Variants in GDA observed in about 807,000 individuals in gnomAD.
GDA encodes the protein guanine deaminase.
A neutral mutation model predicts 59.6 loss-of-function variants in GDA; 18 were observed. The ratio of observed to expected loss-of-function variants is 0.30; its 90% CI spans 0.21 to 0.45. GDA has a LOEUF of 0.45. Ranked by LOEUF, GDA falls within the 20% of genes least tolerant of loss-of-function variation. The pLI, the probability that GDA is intolerant of heterozygous loss-of-function variation, is 1.00. For missense variants in GDA, 427 were observed against 552.3 expected, an observed-to-expected ratio of 0.77 and a Z score of 2.27; for synonymous variants, 201 against 201.1, an observed-to-expected ratio of 1.00 and a Z score of 0.00.
chr9:72,176,388 T>A (rs1021434513), intron 1 of GDA, among the ~76,000 whole-genome samples: 6 of 152,236 alleles, frequency 3.9e-5, no homozygotes, highest in Non-Finnish European at 8.8e-5. Flanking sequence ...CAAGTCACTA[T>A]GTTTGGCCCA....
chr9:72,149,477 C>T lies in GDA; in HGVS notation c.-83C>T. ...GAGCCTGTGTCCGCCCGGCAGCCGCCCGCAGCTGCAGAGAGTCCCGCTGCG... is the reference window on the plus strand; with the variant it reads ...GAGCCTGTGTCCGCCCGGCAGCCGCTCGCAGCTGCAGAGAGTCCCGCTGCG... On this transcript the variant is annotated 5_prime_UTR_variant, in exon 1 of 14. Transcript: ENST00000358399. 6.6e-7 allele frequency: 1 copy of T among 1,515,168 alleles called. No homozygotes were observed. The highest frequency in any genetic ancestry group is 8.9e-7 in the Non-Finnish European group (1 of 1,121,776). 93.9% of individuals were successfully genotyped at this position (1,515,168 alleles called of 1,614,324 possible).
chr9:72,161,385 C>T (rs1828615819), intron 1 of GDA, among the ~76,000 whole-genome samples: 1 of 152,082 alleles, frequency 6.6e-6, no homozygotes, highest in African/African-American at 2.4e-5. Context: ...ATTTTTTTCA[C>T]CACAGGATAA....
intron 1 of GDA, among the ~76,000 whole-genome samples, chr9:72,132,193 T>C (rs1826048730): frequency 6.6e-6 from 1 of 152,162 alleles, no homozygotes; most frequent in Admixed American, 6.5e-5. Flanking sequence ...CCAAACCATG[T>C]CTCACCCTTC....
intron 10 of GDA, among the ~76,000 whole-genome samples, chr9:72,240,116 A>T (rs1185068773): frequency 6.6e-6 from 1 of 152,160 alleles, no homozygotes; most frequent in Non-Finnish European, 1.5e-5. Context: ...GTAGTATTTC[A>T]TTTGATTATG....
intron 1 of GDA, among the ~76,000 whole-genome samples, chr9:72,135,791 A>G (rs1165639227): frequency 2.0e-5 from 3 of 151,920 alleles, no homozygotes; most frequent in Non-Finnish European, 4.4e-5. Context: ...TCGTGTCTTC[A>G]GTGGAGACGG....
chr9:72,226,255 A>T (rs1837572252), intron 8 of GDA, among the ~76,000 whole-genome samples: 2 of 152,190 alleles, frequency 1.3e-5, no homozygotes, highest in Admixed American at 1.3e-4. Context: ...TCGGTGAGGG[A>T]TTAAATTACA....
At chr9:72,144,277 A>G (rs1482010104) in intron 1 of GDA, among the ~76,000 whole-genome samples, 2 of 152,200 alleles carry the variant, frequency 1.3e-5, no homozygotes, top group Non-Finnish European at 2.9e-5. Context: ...ATCAAATAGC[A>G]TACTAGAGCA....
chr9:72,209,173 G>T (rs1029250559), intron 3 of GDA, among the ~76,000 whole-genome samples: 1 of 151,010 alleles, frequency 6.6e-6, no homozygotes, highest in Non-Finnish European at 1.5e-5. Context: ...CCTTACTTTG[G>T]GTTCTCTTTT....
rs1840657642 is a variant in GDA at position 72,251,323 on chromosome 9, C to T, written c.*2981C>T. 6.4e-6 allele frequency: 1 copy of T among 157,390 alleles called. No homozygotes were observed. Among genetic ancestry groups the T allele is most frequent in the African/African-American group, 2.4e-5 (1 of 41,462 alleles). The allele number at this position is 157,390 out of a possible 1,614,324, so 9.7% of individuals were successfully genotyped here. On this transcript the variant is annotated 3_prime_UTR_variant, in exon 14 of 14. Transcript: ENST00000358399. ...GATCTAGCAATGCATTTTGAATCTT[C>T]ACTCCCTACCAGGCTCTTCCTATTT...
chr9:72,248,379 C>A lies in GDA; in HGVS notation c.*37C>A, dbSNP rs1840367932. 1 of 1,612,450 alleles carries A rather than the reference C, an allele frequency of 6.2e-7. No individual in the cohort carries two copies. Among genetic ancestry groups the A allele is most frequent in the Non-Finnish European group, 8.5e-7 (1 of 1,179,090 alleles). ...GTCTACAAAGTTCTCCTGGGATTAG[C>A]GTGGTTCTGCATCTCCCTTGTGCCC... is the stretch of plus-strand genomic sequence containing the variant. On this transcript the variant is annotated 3_prime_UTR_variant, in exon 14 of 14. Transcript: ENST00000358399.
chr9:72,229,797 G>A (rs1246899364), intron 9 of GDA, among the ~76,000 whole-genome samples: 1 of 152,174 alleles, frequency 6.6e-6, no homozygotes, highest in African/African-American at 2.4e-5. Context: ...AGGGTGCTGA[G>A]AGCCACAGTG....
chr9:72,252,308 TC>T (rs1317029167), downstream of GDA: 2 of 152,536 alleles, frequency 1.3e-5, no homozygotes, highest in African/African-American at 4.8e-5. Context: ...ACAATGTTTT[TC>T]TTCTTTTAGC....
intron 1 of GDA, among the ~76,000 whole-genome samples, chr9:72,141,422 A>G (rs1826436403): frequency 6.6e-6 from 1 of 152,150 alleles, no homozygotes; most frequent in Admixed American, 6.5e-5. Context: ...GTTTAATTTT[A>G]CCTATTTAAA....
At chr9:72,259,460 C>CT (rs1261069145), downstream of GDA, among the ~76,000 whole-genome samples, 1 of 152,174 alleles carries the variant, frequency 6.6e-6, no homozygotes, top group Non-Finnish European at 1.5e-5. Context: ...CAGCTGCAGG[C>CT]TTTTTTGTGG....
intron 1 of GDA, among the ~76,000 whole-genome samples, chr9:72,120,257 G>A (rs560951652): frequency 2.0e-5 from 3 of 150,770 alleles, no homozygotes; most frequent in African/African-American, 7.3e-5. Flanking sequence ...GCACGATCTC[G>A]GCTCACTGCA....
intron 1 of GDA, among the ~76,000 whole-genome samples, chr9:72,132,012 G>A (rs181750815): frequency 1.3e-5 from 2 of 152,268 alleles, no homozygotes; most frequent in Admixed American, 6.5e-5. Flanking sequence ...GTTTCTGCAC[G>A]GGAACTGCTC....
intron 6 of GDA, among the ~76,000 whole-genome samples, chr9:72,219,924 G>T (rs1836642157): frequency 1.3e-5 from 2 of 152,006 alleles, no homozygotes; most frequent in Admixed American, 6.6e-5. Flanking sequence ...CCACTTTTGG[G>T]TGTATATCCA....
In GDA at chr9:72,250,769, C is replaced by A. The variant is rs145922082; in HGVS notation, c.*2427C>A. On this transcript the variant is annotated 3_prime_UTR_variant, in exon 14 of 14. Coordinates refer to ENST00000358399, the MANE Select transcript of GDA (RefSeq NM_004293.5). ...TGACAGGAAAGAAACAATTCACTTA[C>A]CAGCCTCCTCACCCCATCCTCCACC... 82 of 1,610,026 alleles carry A rather than the reference C, an allele frequency of 5.1e-5. 1 individual carries two copies. In the East Asian group the frequency reaches 1.8e-3, roughly 36 times the overall value.
chr9:72,124,793 A>G (rs1446701456), intron 1 of GDA, among the ~76,000 whole-genome samples: 1 of 152,124 alleles, frequency 6.6e-6, no homozygotes, highest in Non-Finnish European at 1.5e-5. Context: ...TATTTTTAGT[A>G]GAGATGGGGT....
Sources: allele counts gnomAD v4.1 joint callset (sites outside exome capture counted in the v4.1 genomes callset), GRCh38; gene constraint gnomAD v4.1.1; transcripts MANE v1.5; gene names NCBI Gene and HGNC (gene_info 2026-07-23, HGNC 2026-07-21).